Variants in PHEX observed in about 807,000 individuals in gnomAD.
The protein encoded by PHEX is phosphate-regulating neutral endopeptidase PHEX.
PHEX carries 16 observed loss-of-function variants against 68.0 expected under a neutral mutation model. The observed-to-expected ratio is 0.24, with a 90% CI of 0.16 to 0.36. PHEX has a LOEUF of 0.36. Ranked by LOEUF, PHEX falls within the 10% of genes least tolerant of loss-of-function variation. PHEX has a pLI of 1.00. For synonymous variants in PHEX, 208 were observed against 205.1 expected (o/e 1.01, Z -0.12); for missense variants, 480 against 575.5 (o/e 0.83, Z 1.70).
chrX:22,231,475 C>G (rs1460225749), intron 20 of PHEX, among the ~76,000 whole-genome samples: 1 of 110,428 alleles, frequency 9.1e-6, no homozygotes, highest in Admixed American at 9.5e-5. Context: ...TTCAGGGATT[C>G]AACTTCTACC....
At chrX:22,033,205 A>T in intron 1 of PHEX, 82 bp downstream of exon 1, 1 of 685,635 alleles carries the variant, frequency 1.5e-6, no homozygotes. Flanking sequence ...AACTTGTCAT[A>T]ACACAGGTAT....
At chrX:22,226,544 C>T in intron 19 of PHEX, 36 bp downstream of exon 19, 1 of 1,096,093 alleles carries the variant, frequency 9.1e-7, no homozygotes, top group Non-Finnish European at 1.3e-6. Flanking sequence ...TTCTAAAAAT[C>T]AAGCCATAAA....
At chrX:22,168,958 G>C (rs755623421) in intron 13 of PHEX, among the ~76,000 whole-genome samples, 1 of 111,501 alleles carries the variant, frequency 9.0e-6, no homozygotes, top group African/African-American at 3.3e-5. Flanking sequence ...TTTCCAGTAG[G>C]TGTATTAATT....
chrX:22,033,079 T>C lies in PHEX; in HGVS notation c.74T>C (p.Val25Ala). 8.3e-7 allele frequency: 1 copy of C among 1,208,624 alleles called. No homozygotes were observed. Among genetic ancestry groups the C allele is most frequent in the Non-Finnish European group, 1.1e-6 (1 of 893,302 alleles). The change falls in exon 1 of 22, where the codon GTG (valine) becomes GCG (alanine). Residue 25 changes from valine to alanine, a missense_variant. Physicochemically the swap from Val to Ala is moderately conservative, Grantham distance 64. Transcript: ENST00000379374. ...ANRGTRIALV[V>A]FVGGTLVLGT... ...AGAGGCACTCGAATTGCCCTGGTCGTGTTTGTCGGTGGCACCCTAGTTCTG... is the reference window on the plus strand; with the variant it reads ...AGAGGCACTCGAATTGCCCTGGTCGCGTTTGTCGGTGGCACCCTAGTTCTG...
chrX:22,207,647 T>C lies in PHEX; in HGVS notation c.1646-5257T>C, dbSNP rs753845878. The stretch of plus-strand genomic sequence containing the variant: ...TAAGAAATAGGAGGTTTTTTATACA[T>C]ACTGTTGTCATCATACAAAATTACT... On this transcript the variant is annotated intron_variant, in intron 15 of 21. Transcript: ENST00000379374. Among the ~76,000 whole-genome samples, 3 of 111,288 alleles carry C rather than the reference T, an allele frequency of 2.7e-5. No individual in the cohort carries two copies. In the South Asian group the frequency reaches 1.1e-3, roughly 42 times the overall value.
chrX:22,244,415 C>T (rs1338547018), intron 20 of PHEX, among the ~76,000 whole-genome samples: 1 of 97,669 alleles, frequency 1.0e-5, no homozygotes, highest in African/African-American at 4.2e-5. Flanking sequence ...CACATGTACC[C>T]CAGAATTTAA....
intron 16 of PHEX, among the ~76,000 whole-genome samples, chrX:22,215,703 CA>C (rs1326313416): frequency 9.0e-6 from 1 of 110,845 alleles, no homozygotes; most frequent in East Asian, 2.9e-4. Flanking sequence ...TTTTTGTACC[CA>C]TTAACCATCC....
intron 11 of PHEX, among the ~76,000 whole-genome samples, chrX:22,123,039 G>C (rs1352380972): frequency 9.9e-6 from 1 of 101,199 alleles, no homozygotes; most frequent in Non-Finnish European, 2.0e-5. Context: ...CCCCAGGCTG[G>C]AGTGCAGTGG....
intron 3 of PHEX, among the ~76,000 whole-genome samples, chrX:22,053,057 C>G (rs1170971071): frequency 8.9e-6 from 1 of 112,013 alleles, no homozygotes. Context: ...AGTCCAGTTC[C>G]TGGCACATAG....
intron 2 of PHEX, among the ~76,000 whole-genome samples, chrX:22,041,994 G>A (rs1927311304): frequency 9.0e-6 from 1 of 111,442 alleles, no homozygotes; most frequent in Admixed American, 9.6e-5. Context: ...TGGAGTGAAA[G>A]GCTCACCAAA....
chrX:22,066,688 G>T (rs1011388886), intron 3 of PHEX, among the ~76,000 whole-genome samples: 2 of 111,978 alleles, frequency 1.8e-5, no homozygotes, highest in Non-Finnish European at 3.8e-5. Flanking sequence ...CCCAGTTCTG[G>T]AGGAGCAGTC....
intron 11 of PHEX, among the ~76,000 whole-genome samples, chrX:22,120,324 C>T (rs1318493534): frequency 9.0e-6 from 1 of 111,578 alleles, no homozygotes; most frequent in African/African-American, 3.3e-5. Flanking sequence ...GTGTTCCATT[C>T]CCTTGCTTAT....
At chrX:22,068,496 G>A (rs1168126350) in intron 3 of PHEX, among the ~76,000 whole-genome samples, 2 of 112,154 alleles carry the variant, frequency 1.8e-5, no homozygotes, top group East Asian at 5.6e-4. Context: ...TCACAGGAAA[G>A]CAACTTGCAG....
intron 12 of PHEX, among the ~76,000 whole-genome samples, chrX:22,166,391 C>T (rs566970209): frequency 3.0e-4 from 33 of 111,569 alleles, no homozygotes; most frequent in African/African-American, 1.0e-3. Context: ...TTTCTGTTCT[C>T]CATCCTCATG....
intron 5 of PHEX, among the ~76,000 whole-genome samples, chrX:22,080,665 GC>G (rs1207451248): frequency 9.1e-6 from 1 of 109,657 alleles, no homozygotes; most frequent in Non-Finnish European, 1.9e-5. Flanking sequence ...AACATTTGAA[GC>G]CCCCCCCACT....
intron 20 of PHEX, among the ~76,000 whole-genome samples, chrX:22,238,337 G>A (rs1358877851): frequency 9.0e-6 from 1 of 111,672 alleles, no homozygotes. Context: ...AAGGGGTTGG[G>A]GGATTTCCTG....
intron 2 of PHEX, among the ~76,000 whole-genome samples, chrX:22,040,263 T>G (rs746725272): frequency 8.9e-6 from 1 of 112,422 alleles, no homozygotes; most frequent in East Asian, 2.8e-4. Context: ...AAATATTTGT[T>G]GCACATGAGG....
chrX:22,219,608 C>G (rs755942140), intron 17 of PHEX, among the ~76,000 whole-genome samples: 1 of 98,294 alleles, frequency 1.0e-5, no homozygotes, highest in African/African-American at 4.5e-5. Context: ...GGCTTATATT[C>G]TGATTATTAT....
At chrX:22,056,999 A>G (rs2146998327) in intron 3 of PHEX, among the ~76,000 whole-genome samples, 1 of 110,559 alleles carries the variant, frequency 9.0e-6, no homozygotes, top group East Asian at 2.8e-4. Context: ...AATTTTAAAT[A>G]CTTCATTTTA....
Sources: allele counts gnomAD v4.1 joint callset (sites outside exome capture counted in the v4.1 genomes callset), GRCh38; gene constraint gnomAD v4.1.1; transcripts MANE v1.5; gene names NCBI Gene and HGNC (gene_info 2026-07-23, HGNC 2026-07-21).